RELN: variants seen among roughly 807,000 people sequenced by gnomAD.
RELN encodes reelin.
A neutral mutation model predicts 427.6 loss-of-function variants in RELN; 108 were observed. That is an observed-to-expected ratio of 0.25 (90% CI 0.22 to 0.30). RELN has a LOEUF of 0.30. Ranked by LOEUF, RELN falls within the 10% of genes least tolerant of loss-of-function variation. The pLI is 1.00. For synonymous variants in RELN, 1,524 were observed against 1,513.4 expected (o/e 1.01, Z -0.16); for missense variants, 3,715 against 4,302.8 (o/e 0.86, Z 3.82).
chr7:103,895,873 A>T (rs1584342831), intron 2 of RELN, among the ~76,000 whole-genome samples: 2 of 152,112 alleles, frequency 1.3e-5, no homozygotes, highest in South Asian at 4.1e-4. Context: ...AAACTACTCA[A>T]CTTAAGGCAA....
chr7:103,939,051 A>T (rs989103132), intron 1 of RELN, among the ~76,000 whole-genome samples: 1 of 151,724 alleles, frequency 6.6e-6, no homozygotes, highest in African/African-American at 2.4e-5. Flanking sequence ...GGTTCAAGTG[A>T]TTCTCATGCC....
chr7:103,875,252 A>G (rs540718042), intron 2 of RELN, among the ~76,000 whole-genome samples: 2 of 150,092 alleles, frequency 1.3e-5, no homozygotes, highest in Admixed American at 6.7e-5. Context: ...AACCATAAAA[A>G]CCCTAGAAGA....
Position 103,575,466 on chromosome 7 carries a change from C to A in RELN, c.4303+82G>T. ...AGAGGAATAAATTCAGAATTTATTT[C>A]TTTGGGAGAATAACATGAAACACAG... is the stretch of plus-strand genomic sequence containing the variant. On this transcript the variant is annotated intron_variant, in intron 29 of 64. Coordinates refer to ENST00000428762, the MANE Select transcript of RELN (RefSeq NM_005045.4). The A allele has an allele frequency of 4.9e-6, 7 of 1,418,718 alleles. No individual in the cohort carries two copies. In the South Asian group the frequency reaches 8.1e-5, roughly 16 times the overall value. The allele number at this position is 1,418,718 out of a possible 1,614,324, so 87.9% of individuals were successfully genotyped here. A position where few individuals can be genotyped will look rare whatever the true frequency, so the allele number is the denominator to read the frequency against.
chr7:103,789,490 G>GA (rs1042744518), intron 3 of RELN, among the ~76,000 whole-genome samples: 6 of 151,332 alleles, frequency 4.0e-5, no homozygotes, highest in Non-Finnish European at 8.9e-5. Context: ...AAATTTACAA[G>GA]AAAAAAACAA....
intron 9 of RELN, 45 bp downstream of exon 9, chr7:103,700,865 C>G (rs1466905295): frequency 8.4e-7 from 1 of 1,186,696 alleles, no homozygotes. Context: ...GAGTAGAACT[C>G]CATCTATGTC....
Position 103,989,381 on chromosome 7 carries a change from G to GCCGCCGCCGCCT in RELN, c.-26_-25insAGGCGGCGGCGG. 1 of 1,441,308 alleles carries GCCGCCGCCGCCT rather than the reference G, an allele frequency of 6.9e-7. No individual in the cohort carries two copies. Among genetic ancestry groups the GCCGCCGCCGCCT allele is most frequent in the Non-Finnish European group, 9.0e-7 (1 of 1,108,588 alleles). The allele number at this position is 1,441,308 out of a possible 1,614,324, so 89.3% of individuals were successfully genotyped here. A position where few individuals can be genotyped will look rare whatever the true frequency, so the allele number is the denominator to read the frequency against. ...TGCCGCCGCCGCCGCCGCCGCCGCC[G>GCCGCCGCCGCCT]CGCGCCCTACGCGCCGCTCGCTCAT... On this transcript the variant is annotated 5_prime_UTR_variant, in exon 1 of 65. Transcript: ENST00000428762. This position sits in a 1 kb window ranked among gnomAD's most constrained non-coding sequence, Gnocchi z 4.9.
intron 61 of RELN, chr7:103,484,569 C>CTGTT (rs1323074858): frequency 3.1e-4 from 48 of 152,718 alleles, no homozygotes; most frequent in African/African-American, 1.1e-3. Flanking sequence ...GACTACATCA[C>CTGTT]TGTTAGTAAC....
intron 50 of RELN, among the ~76,000 whole-genome samples, chr7:103,514,657 T>TAA (rs577046475): frequency 6.6e-6 from 1 of 151,196 alleles, no homozygotes; most frequent in Non-Finnish European, 1.5e-5. Flanking sequence ...GAAACTGACT[T>TAA]AAAAAAAAGA....
At chr7:103,963,345 C>T (rs1796600800) in intron 1 of RELN, among the ~76,000 whole-genome samples, 1 of 152,126 alleles carries the variant, frequency 6.6e-6, no homozygotes, top group South Asian at 2.1e-4. Flanking sequence ...TCTTACGTCA[C>T]CCTCTGAGGT....
At chr7:103,859,389 G>T (rs1251605024) in intron 2 of RELN, among the ~76,000 whole-genome samples, 1 of 152,084 alleles carries the variant, frequency 6.6e-6, no homozygotes. Context: ...CACCTCCCAG[G>T]TTCAAGTGAT....
In RELN at chr7:103,471,804, AT is replaced by A. The variant is rs1827870585; in HGVS notation, c.*1007del. 6.6e-6 allele frequency: 1 copy of A among 152,564 alleles called. No homozygotes were observed. The highest frequency in any genetic ancestry group is 2.4e-5 in the African/African-American group (1 of 41,456). 9.5% of individuals were successfully genotyped at this position (152,564 alleles called of 1,614,324 possible). A position where few individuals can be genotyped will look rare whatever the true frequency, so the allele number is the denominator to read the frequency against. ...TGAACTTCAATGGCTTTTGGACATA[AT>A]TTTTATTTAAGCATGGGCTTTTATA... On this transcript the variant is annotated 3_prime_UTR_variant, in exon 65 of 65. Coordinates refer to ENST00000428762, the MANE Select transcript of RELN (RefSeq NM_005045.4).
chr7:103,699,499 G>C (rs1834047114), intron 9 of RELN, among the ~76,000 whole-genome samples: 1 of 152,082 alleles, frequency 6.6e-6, no homozygotes, highest in Non-Finnish European at 1.5e-5. Context: ...AAAACTGAAA[G>C]TACCATTTAG....
chr7:103,846,962 C>A (rs1197182678), intron 2 of RELN, among the ~76,000 whole-genome samples: 1 of 152,164 alleles, frequency 6.6e-6, no homozygotes, highest in Non-Finnish European at 1.5e-5. Context: ...AATGCTTTTA[C>A]TGTTGGTGGG....
At chr7:103,565,635 T>C (rs1221589784) in intron 33 of RELN, 84 bp from the exon 34 acceptor site, 1 of 1,350,768 alleles carries the variant, frequency 7.4e-7, no homozygotes, top group African/African-American at 1.5e-5. Context: ...ACATCTTCAA[T>C]AGCAAACAAA....
At chr7:103,611,836 C>G (rs548775207) in intron 20 of RELN, 33 bp from the exon 21 acceptor site, 23 of 1,544,326 alleles carry the variant, frequency 1.5e-5, no homozygotes, top group Non-Finnish European at 1.8e-6. Context: ...TCAGAAAATT[C>G]TAAACACAAT....
In RELN at chr7:103,922,769, T is replaced by C. The variant is rs142168776; in HGVS notation, c.227-5584A>G. The stretch of plus-strand genomic sequence containing the variant: ...TCTAAAAGAAAATAAATTTAGACAT[T>C]TAATGATGTTTGCATTTCATTCTAA... On this transcript the variant is annotated intron_variant, in intron 1 of 64. Coordinates refer to ENST00000428762, the MANE Select transcript of RELN (RefSeq NM_005045.4). 2.9e-3 allele frequency among the ~76,000 whole-genome samples: 441 copies of C among 152,316 alleles called. 2 individuals are homozygous for C. Among genetic ancestry groups the C allele is most frequent in the African/African-American group, 0.01 (417 of 41,588 alleles).
At chr7:103,755,613 AAAAAT>A (rs1584467153) in intron 4 of RELN, among the ~76,000 whole-genome samples, 28 of 76,636 alleles carry the variant, frequency 3.7e-4, no homozygotes, top group East Asian at 1.3e-3. Flanking sequence ...GTCTCAAAAA[AAAAAT>A]AAAAAAAATA....
intron 11 of RELN, among the ~76,000 whole-genome samples, chr7:103,665,405 T>C (rs1290783016): frequency 6.6e-6 from 1 of 151,694 alleles, no homozygotes; most frequent in African/African-American, 2.4e-5. Flanking sequence ...GTAAAATAGC[T>C]CTTGATAGCT....
Position 103,515,202 on chromosome 7 carries a change from A to C in RELN, c.8102T>G (p.Met2701Arg). ...PVGRIAFDMF[M>R]EDKTSVNEHW... ...TAATTTACCTGAAGTTTTGTCTTCCATAAACATGTCAAAGGCGATCCTCCC... is the reference window on the plus strand; with the variant it reads ...TAATTTACCTGAAGTTTTGTCTTCCCTAAACATGTCAAAGGCGATCCTCCC... Residue 2701 changes from methionine (M) to arginine (R), a missense_variant, in exon 50 of 65, where the codon ATG (methionine) becomes AGG (arginine). By Grantham distance (91) the Met-to-Arg change is moderately conservative (BLOSUM62 -1). This residue lies in a region of RELN where 1,310 missense variants were observed against 1,643.0 expected (regional missense o/e 0.80). Transcript: ENST00000428762. 1 of 1,614,228 alleles carries C rather than the reference A, an allele frequency of 6.2e-7. No homozygotes were observed. The highest frequency in any genetic ancestry group is 1.6e-4 in the Middle Eastern group (1 of 6,062).
Sources: gnomAD v4.1 joint callset for allele counts (sites outside exome capture counted in the v4.1 genomes callset) on GRCh38, gnomAD v4.1.1 for gene constraint, gnomAD v4.1.1 regional missense constraint, Gnocchi (gnomAD v3.1) non-coding constraint, MANE v1.5 for transcripts, NCBI Gene and HGNC (gene_info 2026-07-23, HGNC 2026-07-21) for gene names.